Variants in KHDRBS2 observed in about 807,000 individuals in gnomAD.
KHDRBS2 encodes the protein KH RNA binding domain containing, signal transduction associated 2, also known as KH domain-containing, RNA-binding, signal transduction-associated protein 2.
KHDRBS2 carries 26 observed loss-of-function variants against 44.3 expected under a neutral mutation model. The observed-to-expected ratio is 0.59, with a 90% CI of 0.43 to 0.81. The LOEUF (loss-of-function observed/expected upper bound fraction) is 0.81. Ranked by LOEUF, KHDRBS2 falls within the 40% of genes least tolerant of loss-of-function variation. The probability of loss-of-function intolerance (pLI) is 0.00; values close to 1 mark genes in which losing one functional copy is unlikely to be tolerated. For synonymous variants in KHDRBS2, 194 were observed against 151.1 expected, an observed-to-expected ratio of 1.28 and a Z score of -2.08; for missense variants, 476 against 433.1, an observed-to-expected ratio of 1.10 and a Z score of -0.88.
chr6:61,694,787 A>G (rs961988018), intron 8 of KHDRBS2, among the ~76,000 whole-genome samples: 95 of 152,278 alleles, frequency 6.2e-4, no homozygotes, highest in African/African-American at 2.1e-3. Flanking sequence ...AAGGAACAAA[A>G]TTATAGCTGC....
At chr6:61,683,236 G>A (rs1305133186) in intron 8 of KHDRBS2, among the ~76,000 whole-genome samples, 1 of 151,800 alleles carries the variant, frequency 6.6e-6, no homozygotes, top group African/African-American at 2.4e-5. Flanking sequence ...GATTTTTTCA[G>A]AATTTTAAAT....
At chr6:61,876,535 A>G (rs538805893) in intron 6 of KHDRBS2, among the ~76,000 whole-genome samples, 15 of 152,134 alleles carry the variant, frequency 9.9e-5, no homozygotes, top group African/African-American at 3.4e-4. Flanking sequence ...CTCATTTATC[A>G]TTTAGCAAGA....
At chr6:62,222,642 C>A (rs1348649327) in intron 1 of KHDRBS2, among the ~76,000 whole-genome samples, 2 of 152,100 alleles carry the variant, frequency 1.3e-5, no homozygotes, top group East Asian at 1.9e-4. Context: ...CCTCCCCTGG[C>A]CCCTCCCAAA....
At chr6:61,717,712 C>G (rs945832025) in intron 7 of KHDRBS2, among the ~76,000 whole-genome samples, 4 of 152,078 alleles carry the variant, frequency 2.6e-5, no homozygotes, top group Non-Finnish European at 5.9e-5. Flanking sequence ...TTTCTGTAGA[C>G]TCAGTATCAA....
chr6:62,041,349 A>G (rs1471306357), intron 3 of KHDRBS2, among the ~76,000 whole-genome samples: 1 of 152,110 alleles, frequency 6.6e-6, no homozygotes, highest in Admixed American at 6.6e-5. Context: ...AAAGAAAAAA[A>G]AATTTCAGAT....
chr6:61,913,225 T>C (rs1451765216), intron 4 of KHDRBS2, among the ~76,000 whole-genome samples: 1 of 152,140 alleles, frequency 6.6e-6, no homozygotes, highest in Non-Finnish European at 1.5e-5. Flanking sequence ...AGAGAAATGA[T>C]AGGATCTCAA....
At chr6:61,998,337 A>G (rs1777600905) in intron 3 of KHDRBS2, among the ~76,000 whole-genome samples, 1 of 152,160 alleles carries the variant, frequency 6.6e-6, no homozygotes. Context: ...TACTCATACT[A>G]TAATAAGTTG....
chr6:61,788,207 T>C (rs1382904892), intron 6 of KHDRBS2, among the ~76,000 whole-genome samples: 2 of 151,532 alleles, frequency 1.3e-5, no homozygotes, highest in East Asian at 1.9e-4. Flanking sequence ...ACTTTCATGA[T>C]CTAAAATACT....
At chr6:61,654,404 A>C in the KHDRBS2 span, among the ~76,000 whole-genome samples, 1 of 151,884 alleles carries the variant, frequency 6.6e-6, no homozygotes, top group Non-Finnish European at 1.5e-5. Flanking sequence ...GGGAACAATG[A>C]TTGCTAGTGT....
intron 6 of KHDRBS2, among the ~76,000 whole-genome samples, chr6:61,736,443 C>T (rs1775372120): frequency 6.6e-6 from 1 of 151,972 alleles, no homozygotes; most frequent in Non-Finnish European, 1.5e-5. Flanking sequence ...ATGAGGACAT[C>T]CACAGGTGCT....
chr6:62,064,400 C>T (rs1444438962), intron 2 of KHDRBS2, among the ~76,000 whole-genome samples: 1 of 147,938 alleles, frequency 6.8e-6, no homozygotes, highest in East Asian at 2.0e-4. Context: ...GCTACAGTAA[C>T]CAAAACAGCA....
At chr6:62,174,145 T>C (rs1406698949) in intron 2 of KHDRBS2, among the ~76,000 whole-genome samples, 3 of 151,888 alleles carry the variant, frequency 2.0e-5, no homozygotes, top group Non-Finnish European at 4.4e-5. Flanking sequence ...GATATGATAC[T>C]GTACCTATAA....
intron 4 of KHDRBS2, among the ~76,000 whole-genome samples, chr6:61,919,130 A>T (rs1341764481): frequency 1.3e-5 from 2 of 151,910 alleles, no homozygotes; most frequent in Non-Finnish European, 2.9e-5. Context: ...ATGTGTGTCT[A>T]TTTAGAACAC....
intron 6 of KHDRBS2, among the ~76,000 whole-genome samples, chr6:61,826,963 T>C (rs1790978864): frequency 6.6e-6 from 1 of 152,186 alleles, no homozygotes; most frequent in Non-Finnish European, 1.5e-5. Context: ...TTATTCGATA[T>C]CTATCAGAAC....
At chr6:62,018,485 C>A (rs1781656875) in intron 3 of KHDRBS2, among the ~76,000 whole-genome samples, 1 of 152,026 alleles carries the variant, frequency 6.6e-6, no homozygotes, top group Admixed American at 6.6e-5. Context: ...GTAGCTGGGA[C>A]TACAGGCGCC....
At chr6:61,546,234 G>T in the KHDRBS2 span, among the ~76,000 whole-genome samples, 1 of 151,288 alleles carries the variant, frequency 6.6e-6, no homozygotes, top group Admixed American at 6.6e-5. Flanking sequence ...TTAATAAGTA[G>T]GATGTACATA....
chr6:62,250,099 T>C (rs1266343808), intron 1 of KHDRBS2, among the ~76,000 whole-genome samples: 3 of 152,068 alleles, frequency 2.0e-5, no homozygotes, highest in Admixed American at 6.6e-5. Context: ...TAGTCTGCTA[T>C]CCAGAAAACT....
chr6:61,976,559 T>A (rs1193564130), intron 4 of KHDRBS2, among the ~76,000 whole-genome samples: 1 of 152,126 alleles, frequency 6.6e-6, no homozygotes, highest in Middle Eastern at 3.2e-3. Context: ...CTACAATATA[T>A]TTAAACCATC....
intron 2 of KHDRBS2, among the ~76,000 whole-genome samples, chr6:62,067,339 C>A (rs1350790465): frequency 1.3e-5 from 2 of 151,494 alleles, no homozygotes; most frequent in Non-Finnish European, 3.0e-5. Context: ...ACACCAGTAA[C>A]AGAAATGTTC....
Sources: allele counts gnomAD v4.1 joint callset (sites outside exome capture counted in the v4.1 genomes callset), GRCh38; gene constraint gnomAD v4.1.1; transcripts MANE v1.5; gene names NCBI Gene and HGNC (gene_info 2026-07-23, HGNC 2026-07-21).